SIAH3: variants seen among roughly 807,000 people sequenced by gnomAD.
SIAH3 encodes the protein siah E3 ubiquitin protein ligase family member 3, also known as seven in absentia homolog 3.
SIAH3 carries 9 observed loss-of-function variants against 12.6 expected under a neutral mutation model. The observed-to-expected ratio is 0.72, with a 90% CI of 0.43 to 1.25. SIAH3 has a LOEUF of 1.25. Ranked by LOEUF, SIAH3 falls within the 50% of genes most tolerant of loss-of-function variation. The probability of loss-of-function intolerance (pLI) is 0.00; values close to 1 mark genes in which losing one functional copy is unlikely to be tolerated. For missense variants in SIAH3, 390 were observed against 365.4 expected (o/e 1.07, Z -0.55); for synonymous variants, 154 against 151.1 (o/e 1.02, Z -0.14).
At chr13:45,785,604 T>C (rs1950525543) in intron 1 of SIAH3, among the ~76,000 whole-genome samples, 1 of 152,252 alleles carries the variant, frequency 6.6e-6, no homozygotes, top group African/African-American at 2.4e-5. Flanking sequence ...CACATACATG[T>C]GCACACATGG....
In SIAH3 at chr13:45,783,770, G is replaced by C; in HGVS notation, c.423C>G (p.Ile141Met). The C allele has an allele frequency of 6.2e-7, 1 of 1,614,216 alleles. No homozygotes were observed. Among genetic ancestry groups the C allele is most frequent in the Non-Finnish European group, 8.5e-7 (1 of 1,180,036 alleles). Residue 141 changes from isoleucine to methionine, a missense_variant, in exon 2 of 2, where the codon ATC becomes ATG. Coordinates refer to ENST00000400405, the MANE Select transcript of SIAH3 (RefSeq NM_198849.3). ...GGTGCATGTCCGTGGCCAGGAAGAC[G>C]ATCTCGGCTCCCTGGAGGATGTCAA... ...HRVDILQGAE[I>M]VFLATDMHLP...
intron 1 of SIAH3, among the ~76,000 whole-genome samples, chr13:45,849,119 T>C (rs1316669140): frequency 1.3e-5 from 2 of 152,184 alleles, no homozygotes; most frequent in Non-Finnish European, 2.9e-5. Flanking sequence ...GAGTGAAACT[T>C]ACCTGATGGG....
At chr13:45,849,493 C>T (rs1209945115) in intron 1 of SIAH3, among the ~76,000 whole-genome samples, 8 of 152,136 alleles carry the variant, frequency 5.3e-5, no homozygotes. Flanking sequence ...CCTCTGATAC[C>T]TCTTTTCAGT....
Position 45,843,220 on chromosome 13 carries a change from G to A in SIAH3, c.135+8275C>T, listed in dbSNP as rs558588349. 1.1e-3 allele frequency among the ~76,000 whole-genome samples: 164 copies of A among 152,042 alleles called. 1 individual carries two copies. The highest frequency in any genetic ancestry group is 3.5e-3 in the South Asian group (17 of 4,796). On this transcript the variant is annotated intron_variant, in intron 1 of 1. Transcript: ENST00000400405. ...CATCATCCCCCTTCTCATCCATGCC[G>A]GGCTCAGAGGAAAGCTGTGTCCTCA... is the stretch of plus-strand genomic sequence containing the variant.
At chr13:45,820,805 C>T (rs1950653067) in intron 1 of SIAH3, among the ~76,000 whole-genome samples, 1 of 152,172 alleles carries the variant, frequency 6.6e-6, no homozygotes. Context: ...ACCAGGGAAC[C>T]AGGCAGCTCC....
intron 1 of SIAH3, among the ~76,000 whole-genome samples, chr13:45,844,159 T>C (rs759455355): frequency 2.6e-5 from 4 of 152,188 alleles, no homozygotes; most frequent in Non-Finnish European, 5.9e-5. Context: ...AAGTTGTGGA[T>C]TGTGAACTAA....
chr13:45,810,259 C>T (rs1178916246), intron 1 of SIAH3, among the ~76,000 whole-genome samples: 4 of 152,218 alleles, frequency 2.6e-5, no homozygotes, highest in African/African-American at 4.8e-5. Context: ...CACTGGGACG[C>T]TCCATCATGG....
chr13:45,798,643 G>A (rs929853682), intron 1 of SIAH3, among the ~76,000 whole-genome samples: 3 of 152,194 alleles, frequency 2.0e-5, no homozygotes, highest in Admixed American at 6.5e-5. Context: ...TCCAGATGAG[G>A]CAGTGCTCTA....
intron 1 of SIAH3, among the ~76,000 whole-genome samples, chr13:45,807,169 A>G (rs1448401700): frequency 6.6e-6 from 1 of 152,202 alleles, no homozygotes; most frequent in Non-Finnish European, 1.5e-5. Flanking sequence ...AACTCTAAGA[A>G]AGAATTGAAT....
chr13:45,832,854 T>C (rs1328311527), intron 1 of SIAH3, among the ~76,000 whole-genome samples: 3 of 152,270 alleles, frequency 2.0e-5, no homozygotes, highest in African/African-American at 7.2e-5. Context: ...CTGTTGACTT[T>C]GATTTATCCT....
intron 1 of SIAH3, among the ~76,000 whole-genome samples, chr13:45,796,337 CG>C (rs892134292): frequency 2.0e-5 from 3 of 151,512 alleles, no homozygotes; most frequent in Non-Finnish European, 2.9e-5. Flanking sequence ...ATTTCATGGG[CG>C]GGGGGGAGGC....
At chr13:45,813,069 C>T (rs1180037752) in intron 1 of SIAH3, among the ~76,000 whole-genome samples, 3 of 152,196 alleles carry the variant, frequency 2.0e-5, no homozygotes, top group Non-Finnish European at 4.4e-5. Flanking sequence ...ACTTAGAAGG[C>T]GATTGCCTGG....
intron 1 of SIAH3, among the ~76,000 whole-genome samples, chr13:45,828,531 T>C (rs1341389487): frequency 1.3e-5 from 2 of 152,214 alleles, no homozygotes; most frequent in Non-Finnish European, 2.9e-5. Flanking sequence ...AAGGCATAAT[T>C]CACTATTTTG....
intron 1 of SIAH3, among the ~76,000 whole-genome samples, chr13:45,833,590 T>G: frequency 6.6e-6 from 1 of 152,182 alleles, no homozygotes. Context: ...AATGATACTC[T>G]CTATCCACAT....
chr13:45,832,480 A>T (rs1950702742), intron 1 of SIAH3, among the ~76,000 whole-genome samples: 1 of 152,176 alleles, frequency 6.6e-6, no homozygotes, highest in Non-Finnish European at 1.5e-5. Context: ...ATTTCATTGA[A>T]CATAATGTTT....
At chr13:45,785,161 T>G (rs1177719339) in intron 1 of SIAH3, among the ~76,000 whole-genome samples, 1 of 152,210 alleles carries the variant, frequency 6.6e-6, no homozygotes, top group Non-Finnish European at 1.5e-5. Context: ...GATTCCTGCC[T>G]TCAGCTCCCT....
intron 1 of SIAH3, among the ~76,000 whole-genome samples, chr13:45,836,274 A>G (rs1049466287): frequency 4.6e-5 from 7 of 152,238 alleles, no homozygotes; most frequent in Non-Finnish European, 7.3e-5. Flanking sequence ...TCATTGCATC[A>G]CTGTTTACAA....
intron 1 of SIAH3, among the ~76,000 whole-genome samples, chr13:45,834,506 T>C (rs1194169803): frequency 6.6e-6 from 1 of 152,048 alleles, no homozygotes; most frequent in Non-Finnish European, 1.5e-5. Flanking sequence ...AGGAAACCAA[T>C]AGGAAGATGC....
At chr13:45,837,537 G>A (rs905580689) in intron 1 of SIAH3, among the ~76,000 whole-genome samples, 1 of 119,682 alleles carries the variant, frequency 8.4e-6, no homozygotes, top group Non-Finnish European at 1.8e-5. Context: ...AAAGAGACAA[G>A]AAGGAAGGAA....
Sources: gnomAD v4.1 joint callset for allele counts (sites outside exome capture counted in the v4.1 genomes callset) on GRCh38, gnomAD v4.1.1 for gene constraint, MANE v1.5 for transcripts, NCBI Gene and HGNC (gene_info 2026-07-23, HGNC 2026-07-21) for gene names.